KDM1A: variants seen among roughly 807,000 people sequenced by gnomAD.
KDM1A encodes lysine demethylase 1A.
Under a neutral mutation model 109.4 loss-of-function variants are expected in KDM1A, and 49 were observed. That is an observed-to-expected ratio of 0.45 (90% confidence interval 0.36 to 0.57). The LOEUF (loss-of-function observed/expected upper bound fraction) is 0.57. Ranked by LOEUF, KDM1A falls within the 20% of genes least tolerant of loss-of-function variation. The probability of loss-of-function intolerance (pLI) is 0.00; values close to 1 mark genes in which losing one functional copy is unlikely to be tolerated. For missense variants in KDM1A, 668 were observed against 1,116.6 expected (o/e 0.60, Z 5.73); for synonymous variants, 380 against 415.4 (o/e 0.91, Z 1.04).
intron 1 of KDM1A, among the ~76,000 whole-genome samples, chr1:23,026,439 G>A (rs1446786542): frequency 1.3e-5 from 2 of 151,042 alleles, no homozygotes; most frequent in Non-Finnish European, 2.9e-5. Flanking sequence ...ACCCAGGCTG[G>A]AGTGCAGTGG....
chr1:23,058,675 T>G (rs576299659), intron 8 of KDM1A, among the ~76,000 whole-genome samples: 52 of 152,240 alleles, frequency 3.4e-4, no homozygotes, highest in South Asian at 2.5e-3. Context: ...AGCAGAACAT[T>G]AGAAACCACA....
At chr1:23,059,824 C>T (rs1642949224) in intron 9 of KDM1A, among the ~76,000 whole-genome samples, 1 of 152,136 alleles carries the variant, frequency 6.6e-6, no homozygotes, top group Admixed American at 6.5e-5. Flanking sequence ...TACTGACTGC[C>T]TTTATCAAAA....
chr1:23,071,406 A>G (rs888577963), intron 13 of KDM1A, 47 bp downstream of exon 13: 3 of 1,546,460 alleles, frequency 1.9e-6, no homozygotes, highest in Non-Finnish European at 2.6e-6. Context: ...GAATCCTAAG[A>G]AATAGCACAG....
chr1:23,057,681 G>T (rs879774234), intron 8 of KDM1A, 116 bp downstream of exon 8: 1 of 719,800 alleles, frequency 1.4e-6, no homozygotes, highest in African/African-American at 1.8e-5. Context: ...CTTCCGTTTA[G>T]TGAGAGGTAT....
chr1:23,074,498 G>A (rs1410970635), intron 15 of KDM1A, among the ~76,000 whole-genome samples: 1 of 152,146 alleles, frequency 6.6e-6, no homozygotes, highest in Non-Finnish European at 1.5e-5. Flanking sequence ...CTGGAGTGGT[G>A]TGATCATGGC....
At chr1:23,068,431 C>CT (rs750873321) in intron 10 of KDM1A, 108 bp from the exon 11 acceptor site, 33 of 869,228 alleles carry the variant, frequency 3.8e-5, no homozygotes, top group Middle Eastern at 2.3e-4. Flanking sequence ...AAGGTTTCCC[C>CT]TTTGAGATAC....
chr1:23,081,152 T>C (rs1190519808), intron 18 of KDM1A: 2 of 286,878 alleles, frequency 7.0e-6, no homozygotes, highest in Non-Finnish European at 1.3e-5. Flanking sequence ...TCCCTTTTAT[T>C]AGCAAGATCT....
At chr1:23,072,515 A>G (rs760636081) in intron 14 of KDM1A, among the ~76,000 whole-genome samples, 15 of 152,224 alleles carry the variant, frequency 9.9e-5, no homozygotes, top group Non-Finnish European at 1.6e-4. Context: ...TTACACTTCC[A>G]TAATTTTGGA....
chr1:23,027,768 A>G (rs186221610), intron 1 of KDM1A, among the ~76,000 whole-genome samples: 2 of 145,948 alleles, frequency 1.4e-5, no homozygotes, highest in Non-Finnish European at 3.0e-5. Flanking sequence ...GGATGCTCTC[A>G]GTTGAACAGA....
At chr1:23,057,763 A>T in intron 8 of KDM1A, 198 bp downstream of exon 8, 1 of 358,790 alleles carries the variant, frequency 2.8e-6, no homozygotes. Context: ...CTAGGAAATT[A>T]TCATATGAAG....
chr1:23,064,581 A>G (rs556799621), intron 9 of KDM1A, among the ~76,000 whole-genome samples: 4 of 152,344 alleles, frequency 2.6e-5, no homozygotes, highest in South Asian at 4.1e-4. Context: ...TAGGTGTACA[A>G]TGTTTCTGAA....
intron 1 of KDM1A, among the ~76,000 whole-genome samples, chr1:23,027,829 A>G (rs954769757): frequency 1.2e-4 from 19 of 152,072 alleles, no homozygotes; most frequent in Middle Eastern, 6.8e-3. Context: ...GAGTTACCCA[A>G]GCAGCACAAG....
At position 23,019,577 on chromosome 1, in the gene KDM1A, C is replaced by A; in HGVS notation, c.-20C>A. The stretch of plus-strand genomic sequence containing the variant: ...CAGAGCGAGCGGCCCCTACGGCCGT[C>A]GGCGGCCCGGCGGCCCGAGATGTTA... On this transcript the variant is annotated 5_prime_UTR_variant, in exon 1 of 21. Transcript: ENST00000400181. The A allele has an allele frequency of 1.4e-6, 2 of 1,394,340 alleles. No individual in the cohort carries two copies. The highest frequency in any genetic ancestry group is 1.7e-5 in the South Asian group (1 of 58,488). The allele number at this position is 1,394,340 out of a possible 1,614,324, so 86.4% of individuals were successfully genotyped here.
In KDM1A at chr1:23,082,241, C is replaced by T. The variant is rs1643641936; in HGVS notation, c.2320C>T (p.Arg774Cys). 2 of 1,613,580 alleles carry T rather than the reference C, an allele frequency of 1.2e-6. No individual in the cohort carries two copies. The highest frequency in any genetic ancestry group is 1.7e-6 in the Non-Finnish European group (2 of 1,179,950). The change falls in exon 20 of 21, where the codon CGT becomes TGT. Residue 774 changes from arginine to cysteine, a missense_variant. By Grantham distance (180) the Arg-to-Cys change is radical. Transcript: ENST00000400181. ...VPQPKETVVSRWRADPWARGS... is the reference protein window; with the variant it reads ...VPQPKETVVSCWRADPWARGS... ...TTAGCCCAAAGAAACTGTGGTGTCT[C>T]GTTGGCGTGCTGATCCCTGGGCTCG...
chr1:23,078,956 TCAC>T (rs1643542856), intron 16 of KDM1A, 31 bp from the exon 17 acceptor site: 3 of 1,576,298 alleles, frequency 1.9e-6, no homozygotes, highest in Admixed American at 1.7e-5. Flanking sequence ...GCCATATTCA[TCAC>T]CACTAGTCTT....
At chr1:23,034,242 T>C (rs960576647) in intron 2 of KDM1A, among the ~76,000 whole-genome samples, 1 of 152,238 alleles carries the variant, frequency 6.6e-6, no homozygotes, top group Non-Finnish European at 1.5e-5. Context: ...TACTATACTT[T>C]TGAATATATT....
At chr1:23,037,464 C>G (rs1343206030) in intron 2 of KDM1A, among the ~76,000 whole-genome samples, 1 of 151,908 alleles carries the variant, frequency 6.6e-6, no homozygotes, top group South Asian at 2.1e-4. Context: ...TCATGTACAG[C>G]GTGATGTTTT....
intron 16 of KDM1A, among the ~76,000 whole-genome samples, chr1:23,077,609 C>T (rs757030908): frequency 3.9e-5 from 6 of 152,220 alleles, no homozygotes; most frequent in African/African-American, 9.6e-5. Context: ...TATTACTGGT[C>T]GAGCATCCCT....
At chr1:23,072,061 A>G in intron 13 of KDM1A, 63 bp from the exon 14 acceptor site, 1 of 973,344 alleles carries the variant, frequency 1.0e-6, no homozygotes, top group Non-Finnish European at 1.6e-6. Flanking sequence ...ACTTTGTGGT[A>G]CAAAGAAACT....
Sources: gnomAD v4.1 joint callset for allele counts (sites outside exome capture counted in the v4.1 genomes callset) on GRCh38, gnomAD v4.1.1 for gene constraint, MANE v1.5 for transcripts, NCBI Gene and HGNC (gene_info 2026-07-23, HGNC 2026-07-21) for gene names.